The following CSMD1 variants were observed in gnomAD, a reference collection of about 807,000 sequenced individuals.
CSMD1 encodes CUB and sushi domain-containing protein 1.
CSMD1 carries 213 observed loss-of-function variants against 417.5 expected under a neutral mutation model. The ratio of observed to expected loss-of-function variants is 0.51; its 90% CI spans 0.46 to 0.57. The LOEUF is 0.57. Ranked by LOEUF, CSMD1 falls within the 20% of genes least tolerant of loss-of-function variation. The pLI, the probability that CSMD1 is intolerant of heterozygous loss-of-function variation, is 0.00. For missense variants in CSMD1, 6,923 were observed against 4,529.7 expected, an observed-to-expected ratio of 1.53 and a Z score of -15.17; for synonymous variants, 2,862 against 1,736.8, an observed-to-expected ratio of 1.65 and a Z score of -16.11.
intron 10 of CSMD1, among the ~76,000 whole-genome samples, chr8:3,540,610 AG>A (rs1400761698): frequency 1.3e-5 from 2 of 152,198 alleles, no homozygotes; most frequent in African/African-American, 2.4e-5. Flanking sequence ...ACAGAATGGG[AG>A]AAAATTTTTG....
intron 4 of CSMD1, among the ~76,000 whole-genome samples, chr8:4,008,124 G>C (rs1443646124): frequency 2.0e-5 from 3 of 152,004 alleles, no homozygotes; most frequent in African/African-American, 7.3e-5. Context: ...ATAAAGTCAA[G>C]GCAGGTAGAG....
chr8:4,025,952 A>C (rs1419058717), intron 4 of CSMD1, among the ~76,000 whole-genome samples: 2 of 152,064 alleles, frequency 1.3e-5, no homozygotes, highest in Non-Finnish European at 2.9e-5. Context: ...ATAAACTTTT[A>C]TAACCCTGGC....
chr8:3,793,946 G>T (rs774702437), intron 5 of CSMD1, among the ~76,000 whole-genome samples: 1 of 152,248 alleles, frequency 6.6e-6, no homozygotes, highest in African/African-American at 2.4e-5. Context: ...CCAGAGCTGG[G>T]TAAATGCTGC....
At chr8:4,087,947 T>G (rs962620282) in intron 3 of CSMD1, among the ~76,000 whole-genome samples, 1 of 152,172 alleles carries the variant, frequency 6.6e-6, no homozygotes, top group Non-Finnish European at 1.5e-5. Flanking sequence ...CCAAACAGGC[T>G]AAGAACGGTG....
chr8:3,609,219 A>C (rs910100486), intron 8 of CSMD1, among the ~76,000 whole-genome samples: 10 of 152,202 alleles, frequency 6.6e-5, no homozygotes, highest in African/African-American at 2.4e-4. Flanking sequence ...CATAGGCTAC[A>C]TATCCTGTTA....
intron 3 of CSMD1, among the ~76,000 whole-genome samples, chr8:4,035,844 T>C (rs971370680): frequency 3.3e-5 from 5 of 152,186 alleles, no homozygotes; most frequent in Non-Finnish European, 5.9e-5. Context: ...GTACAGTGTT[T>C]ATGAAGTCTA....
intron 2 of CSMD1, among the ~76,000 whole-genome samples, chr8:4,576,386 CCT>C (rs1419391810): frequency 1.3e-5 from 2 of 152,260 alleles, no homozygotes; most frequent in Non-Finnish European, 2.9e-5. Context: ...AAGACCTTCC[CCT>C]GTCCCATTCC....
At chr8:3,744,112 G>A (rs373809354) in intron 6 of CSMD1, among the ~76,000 whole-genome samples, 71 of 152,200 alleles carry the variant, frequency 4.7e-4, no homozygotes, top group Non-Finnish European at 8.2e-4. Context: ...CCTTTGGCAA[G>A]TAAACCTCCT....
chr8:2,970,691 C>G (rs1804385775), intron 57 of CSMD1, among the ~76,000 whole-genome samples: 1 of 152,184 alleles, frequency 6.6e-6, no homozygotes, highest in African/African-American at 2.4e-5. Context: ...TTTGTGATCA[C>G]TACATAGAAT....
chr8:3,977,527 T>A (rs985081318), intron 5 of CSMD1, among the ~76,000 whole-genome samples: 1 of 152,226 alleles, frequency 6.6e-6, no homozygotes, highest in African/African-American at 2.4e-5. Context: ...CAGTTTTGGA[T>A]TCTGCTGTTC....
chr8:4,342,713 C>T (rs989856926), intron 3 of CSMD1, among the ~76,000 whole-genome samples: 1 of 151,926 alleles, frequency 6.6e-6, no homozygotes, highest in African/African-American at 2.4e-5. Context: ...AGGAGGTTAG[C>T]AAAGGGAGAA....
At chr8:3,051,648 T>A (rs1406049879) in intron 50 of CSMD1, among the ~76,000 whole-genome samples, 1 of 152,238 alleles carries the variant, frequency 6.6e-6, no homozygotes, top group East Asian at 1.9e-4. Flanking sequence ...TGTAAAGACA[T>A]ACATGATATA....
chr8:4,978,621 T>A (rs188349578), intron 1 of CSMD1, among the ~76,000 whole-genome samples: 1 of 152,282 alleles, frequency 6.6e-6, no homozygotes, highest in Admixed American at 6.5e-5. Flanking sequence ...TCTGGTGCTT[T>A]TTTGAACAAA....
At chr8:3,662,028 C>G (rs141089300) in intron 7 of CSMD1, among the ~76,000 whole-genome samples, 4 of 152,086 alleles carry the variant, frequency 2.6e-5, no homozygotes, top group African/African-American at 9.7e-5. Flanking sequence ...GGGATTTTTA[C>G]TCGAAGTCGT....
At chr8:3,604,547 G>A (rs896172677) in intron 8 of CSMD1, among the ~76,000 whole-genome samples, 6 of 152,134 alleles carry the variant, frequency 3.9e-5, no homozygotes, top group African/African-American at 7.2e-5. Flanking sequence ...AGATATCAGT[G>A]TATGCATCTG....
chr8:3,791,898 G>A (rs193216473), intron 5 of CSMD1, among the ~76,000 whole-genome samples: 4 of 152,000 alleles, frequency 2.6e-5, no homozygotes, highest in African/African-American at 9.7e-5. Flanking sequence ...GCAGTTTTTG[G>A]CATTGAAAGT....
intron 2 of CSMD1, among the ~76,000 whole-genome samples, chr8:4,458,905 T>C (rs1334352642): frequency 6.6e-6 from 1 of 152,202 alleles, no homozygotes; most frequent in Non-Finnish European, 1.5e-5. Flanking sequence ...GTGGAGAATG[T>C]ATTAAAAATA....
Position 4,637,644 on chromosome 8 carries a change from ATTTTTTTTTTTTTTTTTTTTTTTT to A in CSMD1, c.86-110_86-87del, listed in dbSNP as rs76431173. ...AAAAAATTTCTAAACACTTTAGCCA[ATTTTTTTTTTTTTTTTTTTTTTTT>A]TTTTTTTTTTTTTGAGACGGAGTCT... On this transcript the variant is annotated intron_variant, in intron 1 of 69. Transcript: ENST00000635120. The A allele has an allele frequency of 3.3e-4, 115 of 352,614 alleles. 2 individuals are homozygous for A. Among genetic ancestry groups the A allele is most frequent in the Middle Eastern group, 9.2e-4 (2 of 2,184 alleles). 21.8% of individuals were successfully genotyped at this position (352,614 alleles called of 1,614,324 possible).
chr8:4,558,256 T>G (rs762322830), intron 2 of CSMD1, among the ~76,000 whole-genome samples: 4 of 152,162 alleles, frequency 2.6e-5, no homozygotes, highest in Non-Finnish European at 5.9e-5. Context: ...CCCTGGTGAG[T>G]ATCCACTTCC....
Sources: allele counts gnomAD v4.1 joint callset (sites outside exome capture counted in the v4.1 genomes callset), GRCh38; gene constraint gnomAD v4.1.1; transcripts MANE v1.5; gene names NCBI Gene and HGNC (gene_info 2026-07-23, HGNC 2026-07-21).